Variants in MRTFA observed in about 807,000 individuals in gnomAD.
MRTFA encodes the protein myocardin related transcription factor A.
MRTFA carries 20 observed loss-of-function variants against 83.5 expected under a neutral mutation model. That is an observed-to-expected ratio of 0.24 (90% CI 0.17 to 0.35). The LOEUF is 0.35. Among genes scored for constraint, MRTFA ranks in the 10% least tolerant of loss-of-function variants. MRTFA has a pLI of 1.00. For synonymous variants in MRTFA, 659 were observed against 541.2 expected (o/e 1.22, Z -3.02); for missense variants, 1,200 against 1,224.7 (o/e 0.98, Z 0.30).
intron 1 of MRTFA, among the ~76,000 whole-genome samples, chr22:40,614,061 G>C (rs1457914857): frequency 1.3e-5 from 2 of 151,824 alleles, no homozygotes; most frequent in Non-Finnish European, 2.9e-5. Context: ...AATTAGCCGG[G>C]CATGGTGGCG....
chr22:40,495,446 C>T (rs1169498797), intron 3 of MRTFA, among the ~76,000 whole-genome samples: 11 of 131,788 alleles, frequency 8.3e-5, no homozygotes, highest in Non-Finnish European at 1.6e-4. Context: ...AGCAAGACTC[C>T]GTCTCAAAAA....
At chr22:40,419,496 C>T (rs918241891) in intron 11 of MRTFA, 112 bp from the exon 12 acceptor site, 3 of 924,368 alleles carry the variant, frequency 3.2e-6, no homozygotes, top group Middle Eastern at 2.9e-4. Flanking sequence ...ATCAACTACC[C>T]TAATCCTCCA....
In MRTFA at chr22:40,631,950, C is replaced by T. The variant is rs76195127; in HGVS notation, c.-84+4528G>A. 4.8e-3 allele frequency among the ~76,000 whole-genome samples: 734 copies of T among 152,314 alleles called. 9 individuals are homozygous for T. Among genetic ancestry groups the T allele is most frequent in the African/African-American group, 0.017 (707 of 41,568 alleles). ...CTGTCGTGGCCAGCCTCCAAGATGGCCCCCAATGACCCTCACCTCCTGCCA... is the reference window on the plus strand; with the variant it reads ...CTGTCGTGGCCAGCCTCCAAGATGGTCCCCAATGACCCTCACCTCCTGCCA... On this transcript the variant is annotated intron_variant, in intron 1 of 14. Transcript: ENST00000355630.
intron 1 of MRTFA, among the ~76,000 whole-genome samples, chr22:40,620,312 T>A (rs1244131230): frequency 6.6e-6 from 1 of 151,692 alleles, no homozygotes; most frequent in Non-Finnish European, 1.5e-5. Context: ...TTAGTAGAGA[T>A]GGGGTTTCTC....
chr22:40,416,375 A>G lies in MRTFA; in HGVS notation c.2578+611T>C, dbSNP rs926569115. 1.4e-4 allele frequency among the ~76,000 whole-genome samples: 22 copies of G among 152,226 alleles called. No homozygotes were observed. Among genetic ancestry groups the G allele is most frequent in the Admixed American group, 1.4e-3 (21 of 15,286 alleles). On this transcript the variant is annotated intron_variant, in intron 14 of 14. Transcript: ENST00000355630. The surrounding 1 kb of genome is among the most constrained non-coding windows in gnomAD (Gnocchi z 4.2). ...CTGCTTCTGCCCTTGCACGGCTACTATCGCCTGGGTCCTGCATCAGACCAG... is the reference window on the plus strand; with the variant it reads ...CTGCTTCTGCCCTTGCACGGCTACTGTCGCCTGGGTCCTGCATCAGACCAG...
At chr22:40,463,456 A>C (rs2053752482) in intron 3 of MRTFA, 170 bp from the exon 4 acceptor site, 2 of 589,298 alleles carry the variant, frequency 3.4e-6, no homozygotes, top group South Asian at 2.1e-5. Flanking sequence ...GATACAGCAG[A>C]GTTTCCGTAT....
chr22:40,483,451 C>T (rs892194448), intron 3 of MRTFA, among the ~76,000 whole-genome samples: 2 of 151,070 alleles, frequency 1.3e-5, no homozygotes, highest in Admixed American at 6.6e-5. Context: ...TTTGGGAGGC[C>T]GAGGCGAGTG....
Position 40,416,976 on chromosome 22 carries a change from C to A in MRTFA, c.2578+10G>T. On this transcript the variant is annotated intron_variant, in intron 14 of 14. Transcript: ENST00000355630. The surrounding 1 kb of genome is among the most constrained non-coding windows in gnomAD (Gnocchi z 4.2). ...GGCCGTCAGGGAGGCAGCAGGGGAC[C>A]TGGGGTTACCTCCGCTCTGAATGAG... 1 of 1,590,748 alleles carries A rather than the reference C, an allele frequency of 6.3e-7. No homozygotes were observed. The highest frequency in any genetic ancestry group is 8.6e-7 in the Non-Finnish European group (1 of 1,168,390).
rs575806861 is a variant in MRTFA at position 40,634,685 on chromosome 22, G to A, written c.-84+1793C>T. Among the ~76,000 whole-genome samples the A allele has an allele frequency of 1.2e-4, 18 of 152,248 alleles. 1 individual carries two copies. The South Asian group carries it at 3.5e-3, about 30-fold the overall frequency. On this transcript the variant is annotated intron_variant, in intron 1 of 14. Coordinates refer to ENST00000355630, the MANE Select transcript of MRTFA (RefSeq NM_020831.6). ...AAACACCTGGCACGTTACAAACATG[G>A]AACAAAAAGTCTGTTGAATGAATAA...
rs554177231 is a variant in MRTFA at position 40,627,240 on chromosome 22, G to A, written c.-84+9238C>T. On this transcript the variant is annotated intron_variant, in intron 1 of 14. Transcript: ENST00000355630. ...CAGCTCACTGCAGCCTCGATCTCCC[G>A]GGCTCATGCACTACAAGTGCATGTC... 4.6e-5 allele frequency among the ~76,000 whole-genome samples: 7 copies of A among 152,062 alleles called. No individual in the cohort carries two copies. The East Asian group carries it at 9.7e-4, about 21-fold the overall frequency.
At chr22:40,495,524 C>T (rs1437877977) in intron 3 of MRTFA, among the ~76,000 whole-genome samples, 1 of 149,522 alleles carries the variant, frequency 6.7e-6, no homozygotes, top group East Asian at 2.0e-4. Context: ...TTTGGGAGGC[C>T]GAGGTGAATG....
chr22:40,576,405 C>T (rs984371822), intron 2 of MRTFA, among the ~76,000 whole-genome samples: 1 of 152,114 alleles, frequency 6.6e-6, no homozygotes, highest in Non-Finnish European at 1.5e-5. Flanking sequence ...ATCTCAGTAA[C>T]GTTTAGGTGA....
At chr22:40,616,319 C>G (rs1418497034) in intron 1 of MRTFA, among the ~76,000 whole-genome samples, 2 of 152,094 alleles carry the variant, frequency 1.3e-5, no homozygotes, top group Admixed American at 1.3e-4. Flanking sequence ...CTGCTTGGAG[C>G]CTACAGAGAG....
At chr22:40,474,734 TA>T (rs1284558739) in intron 3 of MRTFA, among the ~76,000 whole-genome samples, 5 of 152,234 alleles carry the variant, frequency 3.3e-5, no homozygotes, top group African/African-American at 1.2e-4. Flanking sequence ...GAAACATACA[TA>T]AAGTAAGTTC....
chr22:40,628,294 C>A (rs1264372260), intron 1 of MRTFA, among the ~76,000 whole-genome samples: 1 of 152,114 alleles, frequency 6.6e-6, no homozygotes, highest in Non-Finnish European at 1.5e-5. Flanking sequence ...ATCTGCTGTG[C>A]CCTAAAACTT....
intron 3 of MRTFA, among the ~76,000 whole-genome samples, chr22:40,474,540 C>A (rs959030639): frequency 6.6e-6 from 1 of 152,204 alleles, no homozygotes; most frequent in African/African-American, 2.4e-5. Flanking sequence ...TTGGTCAGCA[C>A]ATATACTTAC....
intron 2 of MRTFA, among the ~76,000 whole-genome samples, chr22:40,571,921 CAAAAAAA>C (rs557782525): frequency 4.3e-4 from 8 of 18,726 alleles, no homozygotes; most frequent in Non-Finnish European, 7.3e-4. Flanking sequence ...AAGACTCTGT[CAAAAAAA>C]AAAAAAAAAA....
chr22:40,616,799 T>C (rs1371676039), intron 1 of MRTFA, among the ~76,000 whole-genome samples: 1 of 151,984 alleles, frequency 6.6e-6, no homozygotes, highest in Admixed American at 6.6e-5. Context: ...GTGACTAACA[T>C]TCAAAAAAGA....
At chr22:40,590,598 C>T (rs778325728) in intron 2 of MRTFA, among the ~76,000 whole-genome samples, 2 of 145,910 alleles carry the variant, frequency 1.4e-5, no homozygotes, top group African/African-American at 2.6e-5. Context: ...ACCCAGGAGG[C>T]GGAGGCGGAG....
Sources: allele counts gnomAD v4.1 joint callset (sites outside exome capture counted in the v4.1 genomes callset), GRCh38; gene constraint gnomAD v4.1.1; non-coding constraint Gnocchi (gnomAD v3.1); transcripts MANE v1.5; gene names NCBI Gene and HGNC (gene_info 2026-07-23, HGNC 2026-07-21).